Variants in PFKP observed in about 807,000 individuals in gnomAD.
The protein encoded by PFKP is ATP-dependent 6-phosphofructokinase, platelet type.
In PFKP, 101 loss-of-function variants were observed where a neutral mutation model predicts 94.3. The ratio of observed to expected loss-of-function variants is 1.07; its 90% CI spans 0.91 to 1.26. The LOEUF is 1.26. Among genes scored for constraint, PFKP ranks in the 50% most tolerant of loss-of-function variants. The pLI, the probability that PFKP is intolerant of heterozygous loss-of-function variation, is 0.00. For missense variants in PFKP, 1,145 were observed against 1,103.3 expected (o/e 1.04, Z -0.53); for synonymous variants, 573 against 432.6 (o/e 1.32, Z -4.03).
At chr10:3,111,144 C>T (rs1399477611) in intron 10 of PFKP, among the ~76,000 whole-genome samples, 1 of 150,166 alleles carries the variant, frequency 6.7e-6, no homozygotes, top group Non-Finnish European at 1.5e-5. Flanking sequence ...GTGTGCATGT[C>T]TGTGTGTGCA....
At chr10:3,132,288 A>G in intron 17 of PFKP, 92 bp from the exon 18 acceptor site, 1 of 886,724 alleles carries the variant, frequency 1.1e-6, no homozygotes, top group Non-Finnish European at 1.9e-6. Context: ...TCACTGCCAC[A>G]CTTGGTTGGC....
chr10:3,115,623 G>A (rs2131618556), intron 13 of PFKP, among the ~76,000 whole-genome samples: 1 of 152,322 alleles, frequency 6.6e-6, no homozygotes, highest in East Asian at 1.9e-4. Flanking sequence ...CCAAGAATGT[G>A]CAGTAAGCCG....
intron 2 of PFKP, among the ~76,000 whole-genome samples, chr10:3,091,281 A>C (rs759255993): frequency 2.6e-5 from 4 of 152,084 alleles, no homozygotes; most frequent in Non-Finnish European, 5.9e-5. Flanking sequence ...AGATGATGAT[A>C]CTAAGTATAT....
intron 21 of PFKP, 132 bp downstream of exon 21, chr10:3,135,970 A>T (rs189768085): frequency 4.7e-6 from 3 of 642,760 alleles, no homozygotes; most frequent in Non-Finnish European, 8.4e-6. Flanking sequence ...TCAGTTAAAA[A>T]AATACTAGGT....
At chr10:3,123,159 C>T (rs1291850771) in intron 16 of PFKP, among the ~76,000 whole-genome samples, 5 of 152,194 alleles carry the variant, frequency 3.3e-5, no homozygotes, top group Non-Finnish European at 5.9e-5. Flanking sequence ...CGGTGTGACA[C>T]GTTCTCAGGA....
At chr10:3,118,583 A>G (rs9423463) in intron 14 of PFKP, among the ~76,000 whole-genome samples, 199 bp from the exon 15 acceptor site, 57,975 of 152,140 alleles carry the variant, frequency 0.38, 11,175 homozygotes, top group East Asian at 0.45. Context: ...TTTCTCATGA[A>G]AACACTGTTT....
At chr10:3,132,502 C>G in intron 18 of PFKP, 61 bp downstream of exon 18, 1 of 1,200,898 alleles carries the variant, frequency 8.3e-7, no homozygotes, top group Non-Finnish European at 1.2e-6. Context: ...TTCTTAGATT[C>G]TAGTCTGTGA....
chr10:3,107,187 G>A (rs368297164), intron 7 of PFKP, 27 bp from the exon 8 acceptor site: 25 of 1,376,080 alleles, frequency 1.8e-5, no homozygotes, highest in African/African-American at 1.3e-4. Context: ...TTAGGAATTT[G>A]AGAGCTTTAA....
intron 18 of PFKP, 72 bp downstream of exon 18, chr10:3,132,513 C>G (rs1020524810): frequency 1.8e-6 from 2 of 1,105,382 alleles, no homozygotes; most frequent in South Asian, 1.2e-5. Flanking sequence ...TAGTCTGTGA[C>G]TTGGGCTGGA....
chr10:3,112,622 A>G (rs1024900243), intron 11 of PFKP, among the ~76,000 whole-genome samples: 3 of 152,234 alleles, frequency 2.0e-5, no homozygotes, highest in African/African-American at 7.2e-5. Flanking sequence ...CAGTGGTGCC[A>G]TCTCAGCTCC....
At chr10:3,133,829 T>C (rs1417366650) in intron 19 of PFKP, among the ~76,000 whole-genome samples, 1 of 152,230 alleles carries the variant, frequency 6.6e-6, no homozygotes, top group Non-Finnish European at 1.5e-5. Context: ...AACTGTCAGC[T>C]TTCATGAAAA....
intron 1 of PFKP, among the ~76,000 whole-genome samples, chr10:3,073,053 C>T (rs899501812): frequency 6.6e-6 from 1 of 151,908 alleles, no homozygotes; most frequent in Non-Finnish European, 1.5e-5. Flanking sequence ...CGTCTTCACC[C>T]CCAACTCCCA....
At chr10:3,124,454 C>A (rs1162999150) in intron 16 of PFKP, among the ~76,000 whole-genome samples, 1 of 152,222 alleles carries the variant, frequency 6.6e-6, no homozygotes, top group Non-Finnish European at 1.5e-5. Flanking sequence ...CCCAGTGGAA[C>A]CCCAGAGCAG....
chr10:3,079,275 C>T (rs576505590), intron 1 of PFKP, among the ~76,000 whole-genome samples: 1 of 151,906 alleles, frequency 6.6e-6, no homozygotes, highest in African/African-American at 2.4e-5. Flanking sequence ...CGCTCTGTCG[C>T]CCAGGCTGGA....
chr10:3,068,945 G>T (rs1360131558), intron 1 of PFKP, among the ~76,000 whole-genome samples: 1 of 152,140 alleles, frequency 6.6e-6, no homozygotes, highest in Non-Finnish European at 1.5e-5. Context: ...TGCACCCCCT[G>T]CCCACTGCGC....
In PFKP at chr10:3,128,835, C is replaced by T. The variant is rs113556714; in HGVS notation, c.1684-984C>T. 7.5e-3 allele frequency among the ~76,000 whole-genome samples: 1,147 copies of T among 152,312 alleles called. 8 individuals are homozygous for T. The highest frequency in any genetic ancestry group is 0.026 in the African/African-American group (1,079 of 41,568). ...GGGATTCCTTTGGGGGCTGCTCTCC[C>T]GCCCACCACTGTGCCGGAATGTGAT... On this transcript the variant is annotated intron_variant, in intron 16 of 21. Coordinates refer to ENST00000381125, the MANE Select transcript of PFKP (RefSeq NM_002627.5).
rs991316457 is a variant in PFKP, at chr10:3,136,643, A to G, written c.*64A>G. 1 of 1,558,054 alleles carries G rather than the reference A, an allele frequency of 6.4e-7. No individual in the cohort carries two copies. Among genetic ancestry groups the G allele is most frequent in the African/African-American group, 1.4e-5 (1 of 73,808 alleles). ...TGTCTGTTTTTGTAACACTTAAGTT[A>G]TTTTATCAGCACTTTATGCACGTAT... On this transcript the variant is annotated 3_prime_UTR_variant, in exon 22 of 22. Coordinates refer to ENST00000381125, the MANE Select transcript of PFKP (RefSeq NM_002627.5).
chr10:3,093,845 G>T (rs184803823), intron 2 of PFKP, among the ~76,000 whole-genome samples: 205 of 152,042 alleles, frequency 1.3e-3, no homozygotes, highest in African/African-American at 4.4e-3. Context: ...GGGTTTCACC[G>T]TGTTAGCCAG....
chr10:3,121,594 T>G, intron 16 of PFKP, among the ~76,000 whole-genome samples: 1 of 151,240 alleles, frequency 6.6e-6, no homozygotes, highest in East Asian at 1.9e-4. Flanking sequence ...TTTTTTTTTT[T>G]TTTTTCAGAT....
Sources: allele counts gnomAD v4.1 joint callset (sites outside exome capture counted in the v4.1 genomes callset), GRCh38; gene constraint gnomAD v4.1.1; transcripts MANE v1.5; gene names NCBI Gene and HGNC (gene_info 2026-07-23, HGNC 2026-07-21).